AP3D1: variants seen among roughly 807,000 people sequenced by gnomAD.
The protein encoded by AP3D1 is AP-3 complex subunit delta-1.
Under a neutral mutation model 147.6 loss-of-function variants are expected in AP3D1, and 51 were observed. The observed-to-expected ratio is 0.35, with a 90% confidence interval of 0.28 to 0.44. The LOEUF is 0.44. Ranked by LOEUF, AP3D1 falls within the 20% of genes least tolerant of loss-of-function variation. The pLI, the probability that AP3D1 is intolerant of heterozygous loss-of-function variation, is 1.00. For synonymous variants in AP3D1, 760 were observed against 663.0 expected, an observed-to-expected ratio of 1.15 and a Z score of -2.25; for missense variants, 1,421 against 1,624.2, an observed-to-expected ratio of 0.87 and a Z score of 2.15.
intron 1 of AP3D1, among the ~76,000 whole-genome samples, chr19:2,139,059 C>CAAA (rs60728832): frequency 2.3e-4 from 14 of 61,660 alleles, no homozygotes; most frequent in Non-Finnish European, 2.8e-4. Context: ...GACTCCGTCT[C>CAAA]AAAAAAAAAA....
At chr19:2,131,791 G>T (rs7255038) in intron 5 of AP3D1, among the ~76,000 whole-genome samples, 1 of 51,088 alleles carries the variant, frequency 2.0e-5, no homozygotes, top group Non-Finnish European at 3.4e-5. Context: ...CACGGGGACC[G>T]CGCCCATCGG....
intron 20 of AP3D1, 33 bp downstream of exon 20, chr19:2,115,186 C>T (rs1282159247): frequency 6.3e-7 from 1 of 1,591,948 alleles, no homozygotes; most frequent in Non-Finnish European, 8.6e-7. Context: ...GAAAGATAGA[C>T]ATCCTAGGAC....
At chr19:2,156,274 C>T (rs1262509672), upstream of AP3D1, among the ~76,000 whole-genome samples, 1 of 152,084 alleles carries the variant, frequency 6.6e-6, no homozygotes, top group East Asian at 1.9e-4. Context: ...AGTCCTAGCT[C>T]CAGCCCGAAT....
At chr19:2,148,133 C>G (rs1360916679) in intron 1 of AP3D1, among the ~76,000 whole-genome samples, 3 of 119,234 alleles carry the variant, frequency 2.5e-5, no homozygotes, top group Non-Finnish European at 5.0e-5. Flanking sequence ...GGGGACAGAG[C>G]AAGACTCCGT....
intron 31 of AP3D1, 25 bp downstream of exon 31, chr19:2,108,662 G>A (rs539688268): frequency 2.6e-6 from 4 of 1,560,486 alleles, no homozygotes; most frequent in South Asian, 2.4e-5. Context: ...AGGAGCCAGG[G>A]TGTGCACAGC....
chr19:2,109,953 G>A lies in AP3D1; in HGVS notation c.3270C>T (p.Asp1090=), dbSNP rs374725507. 17 of 1,613,522 alleles carry A rather than the reference G, an allele frequency of 1.1e-5. No homozygotes were observed. The highest frequency in any genetic ancestry group is 7.7e-5 in the South Asian group (7 of 91,068). Residue 1090 remains aspartate, a synonymous_variant, in exon 29 of 32, where the codon GAC becomes GAT. Coordinates refer to ENST00000643116, the MANE Select transcript of AP3D1 (RefSeq NM_001261826.3). ...CCAGCTTCTCGTGGGTCGCACCCTC[G>A]TCATTCTGCGGTGGAGTGAAGGTGG... The part of the protein sequence containing the change: ...KGTLSFIAKN[D]EGATHEKLDF...
At chr19:2,117,064 C>T (rs952624092) in intron 16 of AP3D1, 158 bp downstream of exon 16, 3 of 958,622 alleles carry the variant, frequency 3.1e-6, no homozygotes, top group Non-Finnish European at 4.5e-6. Flanking sequence ...CAGTGAGAGA[C>T]CTGGTGAGTC....
chr19:2,116,601 T>C lies in AP3D1; in HGVS notation c.2001+4A>G, dbSNP rs1230627501. The C allele has an allele frequency of 1.3e-6, 2 of 1,585,178 alleles. No individual in the cohort carries two copies. The highest frequency in any genetic ancestry group is 1.7e-6 in the Non-Finnish European group (2 of 1,167,304). ...GGGCTCGCCAGGGGCAGCCAGCAGCTCACCCGAGCCAGCTCTTCCTCGTCC... is the reference window on the plus strand; with the variant it reads ...GGGCTCGCCAGGGGCAGCCAGCAGCCCACCCGAGCCAGCTCTTCCTCGTCC... On this transcript the variant is annotated splice_donor_region_variant and intron_variant, in intron 17 of 31. Coordinates refer to ENST00000643116, the MANE Select transcript of AP3D1 (RefSeq NM_001261826.3).
Position 2,137,839 on chromosome 19 carries a change from C to A in AP3D1, c.193-32G>T, listed in dbSNP as rs773651008. On this transcript the variant is annotated intron_variant, in intron 2 of 31. Transcript: ENST00000643116. ...AGGGACGCACAGGAAATTGCACTCA[C>A]AAGCCAAAGCAGAGAGAAAGGTTTT... The A allele has an allele frequency of 8.7e-6, 14 of 1,605,352 alleles. No individual in the cohort carries two copies. The African/African-American group carries it at 1.6e-4, about 18-fold the overall frequency.
At chr19:2,138,216 A>T (rs1189942979) in intron 2 of AP3D1, among the ~76,000 whole-genome samples, 1 of 152,112 alleles carries the variant, frequency 6.6e-6, no homozygotes, top group Non-Finnish European at 1.5e-5. Context: ...GCCTGTCCCC[A>T]GCTCACGCAC....
chr19:2,110,400 T>G (rs1176448510), intron 27 of AP3D1, among the ~76,000 whole-genome samples, 176 bp from the exon 28 acceptor site: 3 of 152,064 alleles, frequency 2.0e-5, no homozygotes, highest in African/African-American at 7.2e-5. Context: ...TGTCCCTAAT[T>G]TGGCCTGGAC....
intron 1 of AP3D1, among the ~76,000 whole-genome samples, chr19:2,142,710 G>C (rs1334270983): frequency 6.6e-6 from 1 of 151,922 alleles, no homozygotes; most frequent in Non-Finnish European, 1.5e-5. Context: ...TGAGAGCAAA[G>C]CCCGGTCCCC....
chr19:2,119,994 AG>A, intron 14 of AP3D1, among the ~76,000 whole-genome samples: 1 of 152,290 alleles, frequency 6.6e-6, no homozygotes, highest in Non-Finnish European at 1.5e-5. Context: ...GCTCATCTCC[AG>A]GATGCAGGCT....
intron 4 of AP3D1, among the ~76,000 whole-genome samples, chr19:2,136,781 C>T (rs2019087168): frequency 6.6e-6 from 1 of 152,154 alleles, no homozygotes; most frequent in Non-Finnish European, 1.5e-5. Context: ...AAGGGGGCAC[C>T]GCACCACTCA....
intron 1 of AP3D1, among the ~76,000 whole-genome samples, chr19:2,148,186 C>G (rs1215567828): frequency 2.0e-5 from 3 of 150,536 alleles, no homozygotes; most frequent in African/African-American, 7.3e-5. Context: ...ATGGAGAAAA[C>G]TTTCCCAAAA....
rs960325537 is a variant in AP3D1, at chr19:2,110,347, A to C, written c.3176-123T>G. Reference sequence around the variant, plus strand: ...GATTAGGAAACTGAGCTCAGCCCCCAAGGGAGCACCAGGGGACAGGAGCAG... The same window carrying C: ...GATTAGGAAACTGAGCTCAGCCCCCCAGGGAGCACCAGGGGACAGGAGCAG... On this transcript the variant is annotated intron_variant, in intron 27 of 31. Coordinates refer to ENST00000643116, the MANE Select transcript of AP3D1 (RefSeq NM_001261826.3). 1.1e-5 allele frequency: 9 copies of C among 837,406 alleles called. No individual in the cohort carries two copies. In the African/African-American group the frequency reaches 1.5e-4, roughly 14 times the overall value. The allele number at this position is 837,406 out of a possible 1,614,324, so 51.9% of individuals were successfully genotyped here. A position where few individuals can be genotyped will look rare whatever the true frequency, so the allele number is the denominator to read the frequency against.
chr19:2,102,297 A>T, intron 31 of AP3D1, 29 bp from the exon 32 acceptor site: 1 of 1,589,294 alleles, frequency 6.3e-7, no homozygotes, highest in Non-Finnish European at 8.6e-7. Context: ...TGGATATTTT[A>T]AAAGTGTGTG....
chr19:2,104,606 C>A (rs531133044), intron 31 of AP3D1, among the ~76,000 whole-genome samples: 2 of 152,178 alleles, frequency 1.3e-5, no homozygotes, highest in South Asian at 2.1e-4. Flanking sequence ...AACGTGCAGA[C>A]CCCAACACCA....
chr19:2,160,197 A>C (rs899933012), intron 1 of AP3D1, among the ~76,000 whole-genome samples: 2 of 152,166 alleles, frequency 1.3e-5, no homozygotes, highest in East Asian at 1.9e-4. Context: ...GAACTATGGG[A>C]ATGACCAGAG....
Sources: gnomAD v4.1 joint callset for allele counts (sites outside exome capture counted in the v4.1 genomes callset) on GRCh38, gnomAD v4.1.1 for gene constraint, MANE v1.5 for transcripts, NCBI Gene and HGNC (gene_info 2026-07-23, HGNC 2026-07-21) for gene names.